GET3: variants seen among roughly 807,000 people sequenced by gnomAD.
GET3 encodes the protein guided entry of tail-anchored proteins factor 3, ATPase.
A neutral mutation model predicts 32.4 loss-of-function variants in GET3; 15 were observed. The ratio of observed to expected loss-of-function variants is 0.46; its 90% confidence interval spans 0.31 to 0.71. The LOEUF is 0.71. Ranked by LOEUF, GET3 falls within the 30% of genes least tolerant of loss-of-function variation. The pLI is 0.05. For synonymous variants in GET3, 198 were observed against 185.6 expected, an observed-to-expected ratio of 1.07 and a Z score of -0.54; for missense variants, 333 against 459.0, an observed-to-expected ratio of 0.73 and a Z score of 2.51.
At chr19:12,739,579 G>C (rs1038449757) in intron 2 of GET3, among the ~76,000 whole-genome samples, 6 of 152,212 alleles carry the variant, frequency 3.9e-5, no homozygotes, top group African/African-American at 1.4e-4. Context: ...AACTAGGAAA[G>C]GAGTAGGTTT....
Position 12,747,141 on chromosome 19 carries a change from C to T in GET3, c.610-56C>T. The T allele has an allele frequency of 6.7e-7, 1 of 1,495,012 alleles. No individual in the cohort carries two copies. The highest frequency in any genetic ancestry group is 9.0e-7 in the Non-Finnish European group (1 of 1,105,942). 92.6% of individuals were successfully genotyped at this position (1,495,012 alleles called of 1,614,324 possible). A position where few individuals can be genotyped will look rare whatever the true frequency, so the allele number is the denominator to read the frequency against. The stretch of plus-strand genomic sequence containing the variant: ...CATCCCTCGGGTGTTTAGTGAACCC[C>T]CAACCCAGGAGGTCGCCGCAGGTAA... On this transcript the variant is annotated intron_variant, in intron 4 of 6. Coordinates refer to ENST00000357332, the MANE Select transcript of GET3 (RefSeq NM_004317.4). The surrounding 1 kb of genome is among the most constrained non-coding windows in gnomAD (Gnocchi z 4.0).
In GET3 at chr19:12,747,936, C is replaced by T. The variant is rs774616755; in HGVS notation, c.916-37C>T. ...ACACTCTGTCTCTGCCTTCCTGCCCCCTGACCACTGCCTTCTACCCTCTGC... is the reference window on the plus strand; with the variant it reads ...ACACTCTGTCTCTGCCTTCCTGCCCTCTGACCACTGCCTTCTACCCTCTGC... On this transcript the variant is annotated intron_variant, in intron 6 of 6. Transcript: ENST00000357332. The surrounding 1 kb of genome is among the most constrained non-coding windows in gnomAD (Gnocchi z 4.0). 1.3e-6 allele frequency: 2 copies of T among 1,554,758 alleles called. No individual in the cohort carries two copies. Among genetic ancestry groups the T allele is most frequent in the African/African-American group, 2.7e-5 (2 of 73,464 alleles).
rs1436383299 is a variant in GET3, at chr19:12,747,170, A to G, written c.610-27A>G. Reference sequence around the variant, plus strand: ...CCCAGGAGGTCGCCGCAGGTAAGCTATGAGCCCTCCCACATCCCCCCTGCA... The same window carrying G: ...CCCAGGAGGTCGCCGCAGGTAAGCTGTGAGCCCTCCCACATCCCCCCTGCA... On this transcript the variant is annotated intron_variant, in intron 4 of 6. Coordinates refer to ENST00000357332, the MANE Select transcript of GET3 (RefSeq NM_004317.4). The surrounding 1 kb of genome is among the most constrained non-coding windows in gnomAD (Gnocchi z 4.0). The G allele has an allele frequency of 1.9e-6, 3 of 1,560,346 alleles. No individual in the cohort carries two copies. The highest frequency in any genetic ancestry group is 1.7e-6 in the Non-Finnish European group (2 of 1,152,144).
At chr19:12,739,485 A>G (rs1022825665) in intron 2 of GET3, among the ~76,000 whole-genome samples, 1 of 152,204 alleles carries the variant, frequency 6.6e-6, no homozygotes, top group Non-Finnish European at 1.5e-5. Context: ...TTTTGGAAGT[A>G]AACCAGTAAG....
intron 2 of GET3, among the ~76,000 whole-genome samples, chr19:12,739,583 T>C (rs1967628272): frequency 1.3e-5 from 2 of 151,990 alleles, no homozygotes; most frequent in African/African-American, 4.8e-5. Context: ...AGGAAAGGAG[T>C]AGGTTTAGAA....
intron 2 of GET3, among the ~76,000 whole-genome samples, chr19:12,740,173 G>A (rs559598121): frequency 6.6e-6 from 1 of 151,760 alleles, no homozygotes; most frequent in Non-Finnish European, 1.5e-5. Flanking sequence ...ACAAGGTCAG[G>A]AGATCAAGAC....
upstream of GET3, chr19:12,737,388 AG>A (rs1344075922): frequency 2.4e-6 from 3 of 1,254,872 alleles, no homozygotes; most frequent in African/African-American, 1.5e-5. Flanking sequence ...TTCTCCTAAA[AG>A]GCAAGTAATG....
At chr19:12,741,003 A>G (rs371240225) in intron 2 of GET3, among the ~76,000 whole-genome samples, 48 of 152,340 alleles carry the variant, frequency 3.2e-4, no homozygotes, top group African/African-American at 1.1e-3. Flanking sequence ...TGGATCATCA[A>G]GTGCCCATTG....
chr19:12,741,499 C>A (rs1325099003), intron 2 of GET3, among the ~76,000 whole-genome samples: 1 of 151,894 alleles, frequency 6.6e-6, no homozygotes, highest in South Asian at 2.1e-4. Context: ...TGGCTCACGC[C>A]TGTAATCCCA....
intron 2 of GET3, among the ~76,000 whole-genome samples, chr19:12,740,669 T>C (rs1419667512): frequency 6.6e-6 from 1 of 151,942 alleles, no homozygotes; most frequent in Non-Finnish European, 1.5e-5. Flanking sequence ...GGAGCGAGAC[T>C]CAACAAAAAA....
intron 2 of GET3, among the ~76,000 whole-genome samples, chr19:12,742,760 T>C (rs1207166440): frequency 2.0e-5 from 3 of 152,062 alleles, no homozygotes; most frequent in Non-Finnish European, 4.4e-5. Flanking sequence ...TTGGCCAGGC[T>C]GTTTTCAATC....
In GET3 at chr19:12,747,541, C is replaced by G; in HGVS notation, c.864C>G (p.Pro288=). 3 of 1,614,026 alleles carry G rather than the reference C, an allele frequency of 1.9e-6. No homozygotes were observed. The highest frequency in any genetic ancestry group is 2.5e-6 in the Non-Finnish European group (3 of 1,179,994). Residue 288 remains proline (P), a synonymous_variant, in exon 6 of 7, where the codon CCC becomes CCG. Transcript: ENST00000357332. This position sits in a 1 kb window ranked among gnomAD's most constrained non-coding sequence, Gnocchi z 4.0. ...TCGTCTTCCCCGACCCCGAGAAGCC[C>G]TGCAAGATGTGTGAGGCCCGTCACA... ...NQLVFPDPEK[P]CKMCEARHKI...
intron 1 of GET3, 54 bp from the exon 2 acceptor site, chr19:12,738,457 A>T (rs1363809392): frequency 1.6e-5 from 26 of 1,604,022 alleles, no homozygotes; most frequent in African/African-American, 5.4e-5. Flanking sequence ...TTGCAGACCC[A>T]GGGAACAGAG....
chr19:12,744,043 CAAAAAA>C (rs753666928), intron 2 of GET3, among the ~76,000 whole-genome samples: 5 of 47,808 alleles, frequency 1.0e-4, no homozygotes, highest in African/African-American at 2.2e-4. Context: ...GACTCCATCT[CAAAAAA>C]AAAAAAAAAA....
At chr19:12,744,043 CAAAAAAAAAAAAA>C (rs753666928) in intron 2 of GET3, among the ~76,000 whole-genome samples, 1 of 47,808 alleles carries the variant, frequency 2.1e-5, no homozygotes, top group Admixed American at 2.5e-4. Context: ...GACTCCATCT[CAAAAAAAAAAAAA>C]AAAAAAAAAA....
chr19:12,746,437 T>C (rs1307472698), intron 4 of GET3, among the ~76,000 whole-genome samples: 1 of 151,824 alleles, frequency 6.6e-6, no homozygotes, highest in Non-Finnish European at 1.5e-5. Context: ...CCAGCCCCCA[T>C]GGGTTATTAT....
chr19:12,739,145 T>TG (rs1415350758), intron 2 of GET3, among the ~76,000 whole-genome samples: 2 of 150,962 alleles, frequency 1.3e-5, no homozygotes, highest in African/African-American at 4.9e-5. Flanking sequence ...GGCAGAATGT[T>TG]GGGGGAGAAG....
chr19:12,737,258 G>A (rs1444826412), upstream of GET3: 3 of 399,912 alleles, frequency 7.5e-6, no homozygotes, highest in African/African-American at 6.2e-5. Context: ...ATCAGTGAAA[G>A]GGAGTAGCCT....
In GET3 at chr19:12,745,299, T is replaced by A; in HGVS notation, c.310-78T>A. 6.5e-7 allele frequency: 1 copy of A among 1,540,114 alleles called. No individual in the cohort carries two copies. Among genetic ancestry groups the A allele is most frequent in the Non-Finnish European group, 8.8e-7 (1 of 1,141,366 alleles). ...TGGCCCTGTGCCCGGGTAGGAAGGC[T>A]CCCCCTGGCCCTGTGCCCAGGTGGG... On this transcript the variant is annotated intron_variant, in intron 2 of 6. Transcript: ENST00000357332. The surrounding 1 kb of genome is among the most constrained non-coding windows in gnomAD (Gnocchi z 5.0).
Sources: allele counts gnomAD v4.1 joint callset (sites outside exome capture counted in the v4.1 genomes callset), GRCh38; gene constraint gnomAD v4.1.1; non-coding constraint Gnocchi (gnomAD v3.1); transcripts MANE v1.5; gene names NCBI Gene and HGNC (gene_info 2026-07-23, HGNC 2026-07-21).